Variants in UBXN8 observed in about 807,000 individuals in gnomAD.
UBXN8 encodes UBX domain protein 8.
In UBXN8, 27 loss-of-function variants were observed where a neutral mutation model predicts 32.1. That is an observed-to-expected ratio of 0.84 (90% CI 0.62 to 1.16). The LOEUF is 1.16. UBXN8 is among the 50% of genes most tolerant of loss of function. The pLI is 0.00. For synonymous variants in UBXN8, 109 were observed against 111.8 expected, an observed-to-expected ratio of 0.98 and a Z score of 0.16; for missense variants, 306 against 311.4, an observed-to-expected ratio of 0.98 and a Z score of 0.13.
chr8:30,733,574 C>G (rs1395110015), intron 1 of UBXN8, among the ~76,000 whole-genome samples: 1 of 152,212 alleles, frequency 6.6e-6, no homozygotes, highest in Non-Finnish European at 1.5e-5. Context: ...CATCTGCCCC[C>G]TTCCGGGCAT....
At chr8:30,732,107 G>A (rs1804972054), upstream of UBXN8, 2 of 312,692 alleles carry the variant, frequency 6.4e-6, no homozygotes, top group African/African-American at 2.2e-5. Context: ...CCGGAGTCAG[G>A]TGTCACTACT....
intron 4 of UBXN8, chr8:30,756,001 C>T (rs1805649285): frequency 2.0e-5 from 3 of 150,174 alleles, no homozygotes; most frequent in Non-Finnish European, 4.4e-5. Flanking sequence ...TTGTCAGTTT[C>T]TATAGAAGTT....
At chr8:30,760,109 C>T in intron 5 of UBXN8, among the ~76,000 whole-genome samples, 1 of 146,702 alleles carries the variant, frequency 6.8e-6, no homozygotes, top group African/African-American at 2.5e-5. Flanking sequence ...TCACCCAGGC[C>T]AGAATGCAGT....
chr8:30,745,943 G>C (rs1435018479), intron 1 of UBXN8, among the ~76,000 whole-genome samples: 1 of 152,146 alleles, frequency 6.6e-6, no homozygotes, highest in African/African-American at 2.4e-5. Flanking sequence ...CAGAGATGTG[G>C]TTTTGCCATG....
intron 1 of UBXN8, among the ~76,000 whole-genome samples, chr8:30,745,419 A>C: frequency 6.6e-6 from 1 of 152,190 alleles, no homozygotes; most frequent in East Asian, 1.9e-4. Flanking sequence ...TGGACATTTC[A>C]GTGATCAGTT....
intron 6 of UBXN8, among the ~76,000 whole-genome samples, chr8:30,761,411 G>A (rs1805828952): frequency 1.3e-5 from 2 of 152,046 alleles, no homozygotes; most frequent in African/African-American, 4.8e-5. Flanking sequence ...CATCGGGCTA[G>A]TTTTTGTATT....
chr8:30,742,098 ACTTT>A (rs368608361), upstream of UBXN8, among the ~76,000 whole-genome samples: 170 of 152,182 alleles, frequency 1.1e-3, no homozygotes, highest in African/African-American at 3.5e-3. Flanking sequence ...AGACTGTAGA[ACTTT>A]CTTTCCTGTC....
intron 1 of UBXN8, among the ~76,000 whole-genome samples, chr8:30,733,681 C>T (rs546529154): frequency 3.9e-5 from 6 of 152,276 alleles, no homozygotes; most frequent in Non-Finnish European, 5.9e-5. Flanking sequence ...GGACAGATGC[C>T]AGCCACCGTG....
chr8:30,748,371 T>A (rs1358437012), intron 1 of UBXN8, among the ~76,000 whole-genome samples: 7 of 151,044 alleles, frequency 4.6e-5, no homozygotes, highest in African/African-American at 1.7e-4. Context: ...GAGGCTGACA[T>A]GGGACGACTG....
intron 5 of UBXN8, among the ~76,000 whole-genome samples, chr8:30,760,067 T>TTC (rs1185079579): frequency 2.7e-5 from 4 of 147,994 alleles, no homozygotes; most frequent in African/African-American, 9.8e-5. Context: ...TTCTTTTCTT[T>TTC]TTTTTTTTTT....
rs1283256249 is a variant in UBXN8, at chr8:30,761,091, G to T, written c.570+162G>T. On this transcript the variant is annotated intron_variant, in intron 6 of 7. Transcript: ENST00000265616. ...GGTCTTTTTTAGAACATAGAGACAG[G>T]GTCTCACTATGTTGCCTAGGCTGGC... is the stretch of plus-strand genomic sequence containing the variant. Among the ~76,000 whole-genome samples, 4 of 151,946 alleles carry T rather than the reference G, an allele frequency of 2.6e-5. No individual in the cohort carries two copies. The East Asian group carries it at 7.7e-4, about 29-fold the overall frequency.
At chr8:30,740,049 A>C (rs1805163613), upstream of UBXN8, among the ~76,000 whole-genome samples, 1 of 152,046 alleles carries the variant, frequency 6.6e-6, no homozygotes, top group Admixed American at 6.6e-5. Context: ...CCACAGGTGC[A>C]TGCCACCACA....
intron 1 of UBXN8, among the ~76,000 whole-genome samples, chr8:30,734,621 T>TA (rs879502378): frequency 5.0e-4 from 73 of 145,380 alleles, no homozygotes; most frequent in South Asian, 1.5e-3. Context: ...CACTATCTCT[T>TA]AAAAAAAAAA....
rs976470381 is a variant in UBXN8, at chr8:30,757,033, A to G, written c.528+146A>G. The G allele has an allele frequency of 6.2e-6, 8 of 1,287,782 alleles. No individual in the cohort carries two copies. In the African/African-American group the frequency reaches 1.0e-4, roughly 17 times the overall value. 79.8% of individuals were successfully genotyped at this position (1,287,782 alleles called of 1,614,324 possible). The stretch of plus-strand genomic sequence containing the variant: ...CACTGCCTTACAAAGCAATCACCCC[A>G]GAATAGGCCGGGCATGGTGGCTGAC... On this transcript the variant is annotated intron_variant, in intron 5 of 7. Transcript: ENST00000265616.
chr8:30,751,652 T>G, intron 2 of UBXN8, 134 bp downstream of exon 2: 1 of 681,660 alleles, frequency 1.5e-6, no homozygotes, highest in Non-Finnish European at 2.2e-6. Context: ...AGTACAACTT[T>G]AGTCATGATT....
intron 1 of UBXN8, 25 bp downstream of exon 1, chr8:30,744,302 C>T: frequency 1.2e-6 from 2 of 1,602,412 alleles, no homozygotes; most frequent in African/African-American, 2.7e-5. Flanking sequence ...TTCCCTTCGA[C>T]AGTCACAGCT....
chr8:30,729,466 C>T (rs931728101), upstream of UBXN8, among the ~76,000 whole-genome samples: 1 of 152,172 alleles, frequency 6.6e-6, no homozygotes, highest in African/African-American at 2.4e-5. Context: ...TTGCTTGACA[C>T]TTTGGTTTTG....
intron 7 of UBXN8, 57 bp from the exon 8 acceptor site, chr8:30,766,170 A>G (rs1805997058): frequency 3.3e-6 from 5 of 1,521,202 alleles, no homozygotes; most frequent in Non-Finnish European, 4.5e-6. Flanking sequence ...GGTGGTCTAA[A>G]GGGACATGGT....
upstream of UBXN8, among the ~76,000 whole-genome samples, chr8:30,742,036 T>C (rs1180324468): frequency 1.3e-5 from 2 of 152,210 alleles, no homozygotes; most frequent in Non-Finnish European, 2.9e-5. Context: ...GGTTAAGAAC[T>C]GTAGAACTTC....
Sources: gnomAD v4.1 joint callset for allele counts (sites outside exome capture counted in the v4.1 genomes callset) on GRCh38, gnomAD v4.1.1 for gene constraint, MANE v1.5 for transcripts, NCBI Gene and HGNC (gene_info 2026-07-23, HGNC 2026-07-21) for gene names.